Variants in PCDHGB1 observed in about 807,000 individuals in gnomAD.
PCDHGB1 encodes protocadherin gamma subfamily B, 1, also known as protocadherin gamma-B1.
Under a neutral mutation model 56.6 loss-of-function variants are expected in PCDHGB1, and 34 were observed. That is an observed-to-expected ratio of 0.60 (90% CI 0.46 to 0.80). The LOEUF (loss-of-function observed/expected upper bound fraction) is 0.80. Among genes scored for constraint, PCDHGB1 ranks in the 30% least tolerant of loss-of-function variants. PCDHGB1 has a pLI of 0.00. For missense variants in PCDHGB1, 1,278 were observed against 1,204.6 expected, an observed-to-expected ratio of 1.06 and a Z score of -0.90; for synonymous variants, 561 against 505.9, an observed-to-expected ratio of 1.11 and a Z score of -1.46.
rs569260568 is a variant in PCDHGB1, at chr5:141,408,294, A to G, written c.2409+55625A>G. The G allele has an allele frequency of 2.0e-5, 33 of 1,613,508 alleles. No homozygotes were observed. The East Asian group carries it at 7.1e-4, about 35-fold the overall frequency. ...CCTTTGTTCTACCCCACCCTGAGTG[A>G]GCCGATCCGCTACTCGATTCCGGAG... is the stretch of plus-strand genomic sequence containing the variant. On this transcript the variant is annotated intron_variant, in intron 1 of 3. Coordinates refer to ENST00000523390, the MANE Select transcript of PCDHGB1 (RefSeq NM_018922.3).
intron 1 of PCDHGB1, chr5:141,365,077 G>T (rs1048742374): frequency 6.2e-6 from 10 of 1,613,724 alleles, no homozygotes; most frequent in Non-Finnish European, 8.5e-6. Context: ...AGTACAGCGT[G>T]AGTGTTCCAG....
intron 1 of PCDHGB1, 80 bp downstream of exon 1, chr5:141,352,749 C>G: frequency 7.1e-7 from 1 of 1,413,856 alleles, no homozygotes; most frequent in South Asian, 1.3e-5. Flanking sequence ...CAGCACTTAA[C>G]CAGGCTGAGG....
chr5:141,421,400 G>A (rs2096569762), intron 1 of PCDHGB1: 1 of 1,614,060 alleles, frequency 6.2e-7, no homozygotes, highest in Non-Finnish European at 8.5e-7. Context: ...CTGGAGCCCC[G>A]GGAGCTGGCG....
intron 1 of PCDHGB1, chr5:141,384,147 T>A: frequency 6.2e-7 from 1 of 1,613,270 alleles, no homozygotes; most frequent in Non-Finnish European, 8.5e-7. Flanking sequence ...AAACACTCTC[T>A]TTGTATAACA....
intron 1 of PCDHGB1, among the ~76,000 whole-genome samples, chr5:141,444,872 G>T (rs2098449555): frequency 6.6e-6 from 1 of 152,120 alleles, no homozygotes. Context: ...ACAGGACAAA[G>T]CTTGTAGGAT....
Position 141,351,634 on chromosome 5 carries a change from T to C in PCDHGB1, c.1374T>C (p.Ser458=), listed in dbSNP as rs763844843. 3 of 1,614,058 alleles carry C rather than the reference T, an allele frequency of 1.9e-6. No homozygotes were observed. In the East Asian group the frequency reaches 6.7e-5, roughly 36 times the overall value. ...AGGCCTCCTATGTGGTCCACGTGTC[T>C]GAGAACAACCCACCTGGCGCCTCCA... is the stretch of plus-strand genomic sequence containing the variant. The part of the protein sequence containing the change: ...FHQASYVVHV[S]ENNPPGASIA... Residue 458 remains serine (S), a synonymous_variant, in exon 1 of 4, where the codon TCT becomes TCC. Coordinates refer to ENST00000523390, the MANE Select transcript of PCDHGB1 (RefSeq NM_018922.3).
At chr5:141,423,265 G>C in intron 1 of PCDHGB1, 1 of 1,613,666 alleles carries the variant, frequency 6.2e-7, no homozygotes, top group Non-Finnish European at 8.5e-7. Flanking sequence ...CGGCAGCCTC[G>C]AGTCTCTGGC....
chr5:141,390,396 T>G, intron 1 of PCDHGB1: 2 of 1,374,352 alleles, frequency 1.5e-6, no homozygotes, highest in Admixed American at 2.2e-5. Context: ...ATGGATCATT[T>G]TAGGAAAGTT....
intron 1 of PCDHGB1, among the ~76,000 whole-genome samples, chr5:141,454,796 ATTTTTTTTTTTTTTTTTTT>A (rs61612330): frequency 3.9e-5 from 3 of 77,408 alleles, no homozygotes; most frequent in African/African-American, 1.2e-4. Context: ...CATGGTTCTA[ATTTTTTTTTTTTTTTTTTT>A]TTTTTTTTTT....
intron 1 of PCDHGB1, chr5:141,405,323 T>C (rs1420760439): frequency 6.2e-7 from 1 of 1,614,220 alleles, no homozygotes; most frequent in Non-Finnish European, 8.5e-7. Context: ...AAATGAGCCT[T>C]TGTGCGTCTC....
chr5:141,441,836 C>T (rs1026890754), intron 1 of PCDHGB1: 2 of 354,006 alleles, frequency 5.6e-6, no homozygotes, highest in Non-Finnish European at 1.1e-5. Flanking sequence ...AATGGCTTCG[C>T]GCTCTTGGAT....
chr5:141,426,848 C>A (rs1379697529), intron 1 of PCDHGB1: 1 of 456,670 alleles, frequency 2.2e-6, no homozygotes, highest in Non-Finnish European at 4.4e-6. Context: ...AAGGCAAGAA[C>A]GCTCCAGAAT....
chr5:141,411,743 G>A (rs2095510866), intron 1 of PCDHGB1: 2 of 152,860 alleles, frequency 1.3e-5, no homozygotes, highest in Non-Finnish European at 2.9e-5. Flanking sequence ...TTAGCAGGGT[G>A]TGGTGGCACA....
At position 141,493,323 on chromosome 5, in the gene PCDHGB1, C is replaced by T. The variant is rs542332335; in HGVS notation, c.2410-1484C>T. Among the ~76,000 whole-genome samples the T allele has an allele frequency of 6.6e-6, 1 of 152,294 alleles. No homozygotes were observed. The highest frequency in any genetic ancestry group is 6.5e-5 in the Admixed American group (1 of 15,300). On this transcript the variant is annotated intron_variant, in intron 1 of 3. Transcript: ENST00000523390. The surrounding 1 kb of genome is among the most constrained non-coding windows in gnomAD (Gnocchi z 4.3). ...AGAGCAAGTAAGAGAGATTCTAACC[C>T]CTGTCTAACTCCAGAATGTGTGCTT...
intron 1 of PCDHGB1, chr5:141,403,713 A>G (rs2094445702): frequency 2.5e-6 from 4 of 1,613,946 alleles, no homozygotes; most frequent in Non-Finnish European, 2.5e-6. Flanking sequence ...GTCCTTGAGA[A>G]CGTGCCCCCA....
intron 1 of PCDHGB1, among the ~76,000 whole-genome samples, chr5:141,483,599 G>A (rs1419379218): frequency 6.6e-6 from 1 of 152,048 alleles, no homozygotes; most frequent in African/African-American, 2.4e-5. Flanking sequence ...GGTCAGGCTG[G>A]TTTACACCTC....
chr5:141,501,030 A>G (rs2099805050), intron 2 of PCDHGB1, among the ~76,000 whole-genome samples: 1 of 151,848 alleles, frequency 6.6e-6, no homozygotes, highest in Admixed American at 6.6e-5. Flanking sequence ...CACCACGCCC[A>G]GCTAATTTTT....
chr5:141,364,347 G>C, intron 1 of PCDHGB1: 1 of 1,543,210 alleles, frequency 6.5e-7, no homozygotes, highest in East Asian at 2.3e-5. Context: ...AGTCCACCTA[G>C]GGGCTGGGGC....
At chr5:141,409,529 G>T (rs2095278932) in intron 1 of PCDHGB1, 1 of 1,613,962 alleles carries the variant, frequency 6.2e-7, no homozygotes, top group Non-Finnish European at 8.5e-7. Flanking sequence ...CTTGTATGTC[G>T]CTGACATCAA....
Sources: allele counts gnomAD v4.1 joint callset (sites outside exome capture counted in the v4.1 genomes callset), GRCh38; gene constraint gnomAD v4.1.1; non-coding constraint Gnocchi (gnomAD v3.1); transcripts MANE v1.5; gene names NCBI Gene and HGNC (gene_info 2026-07-23, HGNC 2026-07-21).